PAPOLG: variants seen among roughly 807,000 people sequenced by gnomAD.
PAPOLG encodes the protein poly(A) polymerase gamma.
PAPOLG carries 40 observed loss-of-function variants against 99.0 expected under a neutral mutation model. The ratio of observed to expected loss-of-function variants is 0.40; its 90% CI spans 0.31 to 0.53. PAPOLG has a LOEUF of 0.53. Ranked by LOEUF, PAPOLG falls within the 20% of genes least tolerant of loss-of-function variation. The probability of loss-of-function intolerance (pLI) is 0.41; values close to 1 mark genes in which losing one functional copy is unlikely to be tolerated. For missense variants in PAPOLG, 675 were observed against 884.1 expected, an observed-to-expected ratio of 0.76 and a Z score of 3.00; for synonymous variants, 310 against 299.3, an observed-to-expected ratio of 1.04 and a Z score of -0.37.
chr2:60,795,012 C>T lies in PAPOLG; in HGVS notation c.2104C>T (p.Arg702Cys), dbSNP rs376377671. ...GCCTATTCCAACTATTGATACATCACGCAAAAAGGTAACAAGATAGTCTTG... is the reference window on the plus strand; with the variant it reads ...GCCTATTCCAACTATTGATACATCATGCAAAAAGGTAACAAGATAGTCTTG... ...SMPIPTIDTS[R>C]KKRLPSKELP... The change falls in exon 21 of 22, where the codon CGC becomes TGC. Residue 702 changes from arginine (R) to cysteine (C), a missense_variant. Physicochemically the swap from Arg to Cys is radical, Grantham distance 180. Transcript: ENST00000238714. 3.2e-5 allele frequency: 51 copies of T among 1,610,272 alleles called. No homozygotes were observed. The African/African-American group carries it at 4.2e-4, about 13-fold the overall frequency.
Position 60,791,767 on chromosome 2 carries a change from G to A in PAPOLG, c.1403G>A (p.Arg468Lys), listed in dbSNP as rs1260764039. 2 of 1,610,398 alleles carry A rather than the reference G, an allele frequency of 1.2e-6. No individual in the cohort carries two copies. Among genetic ancestry groups the A allele is most frequent in the Admixed American group, 3.4e-5 (2 of 58,864 alleles). Residue 468 changes from arginine (R) to lysine (K), a missense_variant, in exon 16 of 22, where the codon AGA becomes AAA. Transcript: ENST00000238714. ...DIQSFTDTVY[R>K]QANNINMLKE... ...CATATTAACATTGTTACAGTGTACAGACAGGCAAACAATATAAATATGCTA... is the reference window on the plus strand; with the variant it reads ...CATATTAACATTGTTACAGTGTACAAACAGGCAAACAATATAAATATGCTA...
intron 21 of PAPOLG, among the ~76,000 whole-genome samples, chr2:60,796,055 A>G (rs963790769): frequency 3.9e-5 from 6 of 152,038 alleles, no homozygotes; most frequent in African/African-American, 1.2e-4. Context: ...CCTGGTGTCT[A>G]CTTCTTTGTA....
At chr2:60,763,274 G>A (rs1194492510) in intron 3 of PAPOLG, among the ~76,000 whole-genome samples, 2 of 151,260 alleles carry the variant, frequency 1.3e-5, no homozygotes, top group African/African-American at 4.9e-5. Context: ...AGACACAAGA[G>A]TATCACTGTA....
In PAPOLG at chr2:60,770,469, T is replaced by C. The variant is rs1459046710; in HGVS notation, c.450T>C (p.Asp150=). The change falls in exon 6 of 22, where the codon GAT becomes GAC. Residue 150 remains aspartate, a synonymous_variant. Transcript: ENST00000238714. ...DGIRNLRAVE[D]AFVPVIKFEF... ...TTCCTTTTTTGTAGGCTGTAGAAGATGCCTTTGTACCTGTTATAAAATTTG... is the reference window on the plus strand; with the variant it reads ...TTCCTTTTTTGTAGGCTGTAGAAGACGCCTTTGTACCTGTTATAAAATTTG... The C allele has an allele frequency of 6.3e-7, 1 of 1,598,844 alleles. No homozygotes were observed. Among genetic ancestry groups the C allele is most frequent in the Non-Finnish European group, 8.5e-7 (1 of 1,172,024 alleles).
intron 16 of PAPOLG, 49 bp from the exon 17 acceptor site, chr2:60,792,080 T>C: frequency 6.5e-7 from 1 of 1,542,820 alleles, no homozygotes; most frequent in Non-Finnish European, 8.7e-7. Context: ...AACCAGTCTT[T>C]ATATTGTCAT....
intron 15 of PAPOLG, among the ~76,000 whole-genome samples, chr2:60,790,044 A>G (rs1671483185): frequency 6.6e-6 from 1 of 152,210 alleles, no homozygotes; most frequent in Non-Finnish European, 1.5e-5. Flanking sequence ...CAGTGAGCTG[A>G]GATCTCGCTG....
chr2:60,763,441 T>C (rs1573219224), intron 3 of PAPOLG, among the ~76,000 whole-genome samples: 1 of 152,156 alleles, frequency 6.6e-6, no homozygotes, highest in East Asian at 1.9e-4. Context: ...TGTGTGTGAT[T>C]GGTTGAATCT....
At chr2:60,780,908 CCTT>C (rs1232593186) in intron 10 of PAPOLG, 129 bp downstream of exon 10, 2 of 705,728 alleles carry the variant, frequency 2.8e-6, no homozygotes, top group African/African-American at 1.8e-5. Context: ...TCCCCTTCCT[CCTT>C]CTGCTGTGGT....
At chr2:60,767,682 A>G (rs775279379) in intron 3 of PAPOLG, among the ~76,000 whole-genome samples, 3 of 152,218 alleles carry the variant, frequency 2.0e-5, no homozygotes, top group African/African-American at 4.8e-5. Context: ...CATGTCAGGA[A>G]TGACTCCGTT....
intron 17 of PAPOLG, among the ~76,000 whole-genome samples, chr2:60,792,595 G>C (rs753942237): frequency 6.6e-6 from 1 of 152,098 alleles, no homozygotes; most frequent in African/African-American, 2.4e-5. Flanking sequence ...TAAAGTACAG[G>C]CCTGAGCCAA....
chr2:60,782,751 A>T lies in PAPOLG; in HGVS notation c.1093A>T (p.Asn365Tyr), dbSNP rs151058515. Residue 365 changes from asparagine (N) to tyrosine (Y), a missense_variant, in exon 12 of 22, where the codon AAT becomes TAT. Asn to Tyr is a moderately radical substitution (Grantham distance 143). Coordinates refer to ENST00000238714, the MANE Select transcript of PAPOLG (RefSeq NM_022894.4). ...TTGGTCCAAACTACTTGAGCCACCG[A>T]ATTTCTTTCAAAAGTATAGGTACGT... ...SDWSKLLEPP[N>Y]FFQKYRHYIV... 4 of 1,569,498 alleles carry T rather than the reference A, an allele frequency of 2.5e-6. No homozygotes were observed. Among genetic ancestry groups the T allele is most frequent in the South Asian group, 1.2e-5 (1 of 82,080 alleles).
intron 3 of PAPOLG, among the ~76,000 whole-genome samples, chr2:60,765,645 T>C (rs2103766659): frequency 6.6e-6 from 1 of 152,338 alleles, no homozygotes; most frequent in East Asian, 1.9e-4. Context: ...CTTTAAATAG[T>C]GTAGAATCCC....
intron 9 of PAPOLG, among the ~76,000 whole-genome samples, chr2:60,780,357 C>A (rs1199383984): frequency 1.3e-5 from 2 of 151,628 alleles, no homozygotes; most frequent in Non-Finnish European, 2.9e-5. Flanking sequence ...CTCACTGCAG[C>A]CTCTGCCTCC....
At chr2:60,762,286 T>C (rs974269266) in intron 3 of PAPOLG, among the ~76,000 whole-genome samples, 44 of 152,194 alleles carry the variant, frequency 2.9e-4, no homozygotes, top group African/African-American at 9.1e-4. Context: ...GCTTGGTTCC[T>C]AAGACATAGG....
At position 60,792,117 on chromosome 2, in the gene PAPOLG, C is replaced by G. The variant is rs769026033; in HGVS notation, c.1519-12C>G. On this transcript the variant is annotated splice_polypyrimidine_tract_variant and intron_variant, in intron 16 of 21. Transcript: ENST00000238714. The stretch of plus-strand genomic sequence containing the variant: ...TGCATTTTGAAATCCTAAAATCGTT[C>G]CCTTCTTTCAGCAAAGTCTCTCTGA... 3.2e-6 allele frequency: 5 copies of G among 1,569,646 alleles called. No homozygotes were observed. The highest frequency in any genetic ancestry group is 3.4e-6 in the Non-Finnish European group (4 of 1,164,124).
chr2:60,756,561 T>A, intron 1 of PAPOLG, 66 bp downstream of exon 1: 1 of 1,505,616 alleles, frequency 6.6e-7, no homozygotes, highest in Non-Finnish European at 9.0e-7. Context: ...TCCGACTGTG[T>A]CCTTGTTTCC....
chr2:60,771,381 C>G, intron 6 of PAPOLG, 138 bp from the exon 7 acceptor site: 1 of 929,040 alleles, frequency 1.1e-6, no homozygotes, highest in Non-Finnish European at 1.5e-6. Flanking sequence ...GTGAGACTGC[C>G]TACATAGGCC....
At chr2:60,759,257 A>C (rs766836478) in intron 1 of PAPOLG, among the ~76,000 whole-genome samples, 1 of 152,126 alleles carries the variant, frequency 6.6e-6, no homozygotes, top group South Asian at 2.1e-4. Flanking sequence ...AATCCCAGCT[A>C]CTTGGGAGGC....
Position 60,798,457 on chromosome 2 carries a change from G to C in PAPOLG, c.*1297G>C, listed in dbSNP as rs538492254. On this transcript the variant is annotated 3_prime_UTR_variant, in exon 22 of 22. Coordinates refer to ENST00000238714, the MANE Select transcript of PAPOLG (RefSeq NM_022894.4). ...AGATACCATCTTTTCAAAGAGAAAC[G>C]TTTAAAACCTTTATTGTCTCTCCTT... 1.3e-4 allele frequency: 20 copies of C among 152,610 alleles called. No homozygotes were observed. Among genetic ancestry groups the C allele is most frequent in the African/African-American group, 4.6e-4 (19 of 41,394 alleles). 9.5% of individuals were successfully genotyped at this position (152,610 alleles called of 1,614,324 possible). A position where few individuals can be genotyped will look rare whatever the true frequency, so the allele number is the denominator to read the frequency against.
Sources: gnomAD v4.1 joint callset for allele counts (sites outside exome capture counted in the v4.1 genomes callset) on GRCh38, gnomAD v4.1.1 for gene constraint, MANE v1.5 for transcripts, NCBI Gene and HGNC (gene_info 2026-07-23, HGNC 2026-07-21) for gene names.